EPB41L4A: variants seen among roughly 807,000 people sequenced by gnomAD.
EPB41L4A encodes erythrocyte membrane protein band 4.1 like 4A, also known as band 4.1-like protein 4A.
In EPB41L4A, 100 loss-of-function variants were observed where a neutral mutation model predicts 108.6. That is an observed-to-expected ratio of 0.92 (90% CI 0.78 to 1.09). EPB41L4A has a LOEUF of 1.09. Ranked by LOEUF, EPB41L4A falls within the 50% of genes least tolerant of loss-of-function variation. The probability of loss-of-function intolerance (pLI) is 0.00; values close to 1 mark genes in which losing one functional copy is unlikely to be tolerated. For synonymous variants in EPB41L4A, 319 were observed against 289.0 expected, an observed-to-expected ratio of 1.10 and a Z score of -1.05; for missense variants, 1,030 against 842.7, an observed-to-expected ratio of 1.22 and a Z score of -2.75.
At chr5:112,389,258 T>C (rs1760772337) in intron 1 of EPB41L4A, among the ~76,000 whole-genome samples, 1 of 152,228 alleles carries the variant, frequency 6.6e-6, no homozygotes, top group South Asian at 2.1e-4. Flanking sequence ...ATTAAGGATT[T>C]TATAATCCTG....
Position 112,266,297 on chromosome 5 carries a change from G to A in EPB41L4A, c.369C>T (p.Val123=), listed in dbSNP as rs1314402551. 6.2e-7 allele frequency: 1 copy of A among 1,608,936 alleles called. No individual in the cohort carries two copies. The highest frequency in any genetic ancestry group is 8.5e-7 in the Non-Finnish European group (1 of 1,177,974). The change falls in exon 5 of 23, where the codon GTC becomes GTT. Residue 123 remains valine, a synonymous_variant. Coordinates refer to ENST00000261486, the MANE Select transcript of EPB41L4A (RefSeq NM_022140.5). Reference sequence around the variant, plus strand: ...CGGGACAGGGCAGACGGCCCTGAAGGACATCTTGCTTCACCTGCAAGAAAA... The same window carrying A: ...CGGGACAGGGCAGACGGCCCTGAAGAACATCTTGCTTCACCTGCAAGAAAA... The part of the protein sequence containing the change: ...YQFFLQVKQD[V]LQGRLPCPVN...
At chr5:112,143,946 G>A (rs996201908) in intron 13 of EPB41L4A, 1 of 437,456 alleles carries the variant, frequency 2.3e-6, no homozygotes, top group Non-Finnish European at 4.6e-6. Context: ...CAGAAGCCTG[G>A]AATAATAAAT....
At chr5:112,204,766 T>C (rs1561473495) in intron 14 of EPB41L4A, 1 of 289,264 alleles carries the variant, frequency 3.5e-6, no homozygotes, top group East Asian at 6.1e-5. Context: ...AATTCATACA[T>C]ATGATGAATT....
chr5:112,200,645 T>C (rs1011549576), intron 15 of EPB41L4A, among the ~76,000 whole-genome samples: 4 of 152,206 alleles, frequency 2.6e-5, no homozygotes, highest in Non-Finnish European at 4.4e-5. Flanking sequence ...AGTGAAAATA[T>C]ATTGTACTAC....
intron 2 of EPB41L4A, among the ~76,000 whole-genome samples, chr5:112,304,620 GTTTA>G (rs757300736): frequency 3.8e-4 from 58 of 152,236 alleles, no homozygotes; most frequent in African/African-American, 1.2e-3. Flanking sequence ...AGAATCTACA[GTTTA>G]TTTAATTTTT....
chr5:112,218,725 G>A (rs1201275072), intron 12 of EPB41L4A, among the ~76,000 whole-genome samples: 1 of 152,138 alleles, frequency 6.6e-6, no homozygotes, highest in South Asian at 2.1e-4. Flanking sequence ...TGCTTATTTA[G>A]CTAAGGCAAA....
At chr5:112,345,349 G>T (rs1439947833) in intron 1 of EPB41L4A, among the ~76,000 whole-genome samples, 1 of 152,080 alleles carries the variant, frequency 6.6e-6, no homozygotes, top group East Asian at 1.9e-4. Flanking sequence ...AGTAAATATG[G>T]ATAATAGATA....
chr5:112,151,070 G>A (rs1004386792), intron 12 of EPB41L4A, among the ~76,000 whole-genome samples: 1 of 152,128 alleles, frequency 6.6e-6, no homozygotes, highest in African/African-American at 2.4e-5. Flanking sequence ...TCTAAGTGAT[G>A]TTGATGCTGA....
At chr5:112,370,137 G>A (rs1459944727) in intron 1 of EPB41L4A, among the ~76,000 whole-genome samples, 1 of 151,356 alleles carries the variant, frequency 6.6e-6, no homozygotes, top group Non-Finnish European at 1.5e-5. Flanking sequence ...CAATCTTCTT[G>A]TCTCAGCCTC....
In EPB41L4A at chr5:112,303,461, G is replaced by A. The variant is rs114698647; in HGVS notation, c.204+3925C>T. Among the ~76,000 whole-genome samples, 648 of 152,292 alleles carry A rather than the reference G, an allele frequency of 4.3e-3. 6 individuals carry two copies. The highest frequency in any genetic ancestry group is 0.015 in the African/African-American group (611 of 41,562). ...AAATGTGTGGGCCTGAACAGAGTTA[G>A]AGCCTAAGAGAACTAAGGACAAAAT... On this transcript the variant is annotated intron_variant, in intron 2 of 22. Coordinates refer to ENST00000261486, the MANE Select transcript of EPB41L4A (RefSeq NM_022140.5).
At chr5:112,300,225 AT>A (rs148470593) in intron 2 of EPB41L4A, among the ~76,000 whole-genome samples, 26,231 of 151,770 alleles carry the variant, frequency 0.17, 2,813 homozygotes, top group African/African-American at 0.3. Flanking sequence ...TCTTAATTAT[AT>A]TTTTGTTTTA....
chr5:112,212,167 C>A (rs1445099355), intron 12 of EPB41L4A, among the ~76,000 whole-genome samples: 2 of 152,078 alleles, frequency 1.3e-5, no homozygotes, highest in Non-Finnish European at 2.9e-5. Flanking sequence ...AAATTGCAGG[C>A]AAAGATTTGG....
chr5:112,165,685 G>A (rs575749722), intron 22 of EPB41L4A, among the ~76,000 whole-genome samples: 1 of 152,256 alleles, frequency 6.6e-6, no homozygotes, highest in African/African-American at 2.4e-5. Context: ...TACTTCTTAT[G>A]CGAACCCCTC....
chr5:112,267,358 G>A (rs1751935255), intron 4 of EPB41L4A, among the ~76,000 whole-genome samples: 1 of 152,140 alleles, frequency 6.6e-6, no homozygotes, highest in Non-Finnish European at 1.5e-5. Flanking sequence ...TTCTCCAAAT[G>A]CACACAACCA....
At position 112,174,395 on chromosome 5, in the gene EPB41L4A, TAAGGA is replaced by T. The variant is rs752429480; in HGVS notation, c.1623-3408_1623-3404del. On this transcript the variant is annotated intron_variant, in intron 18 of 22. Coordinates refer to ENST00000261486, the MANE Select transcript of EPB41L4A (RefSeq NM_022140.5). Reference sequence around the variant, plus strand: ...TACTTAAACTCTCCAAATAAATTCCTAAGGAAAGGAAATAGAACCCTGAGTTGTCC... The same window carrying T: ...TACTTAAACTCTCCAAATAAATTCCTAAGGAAATAGAACCCTGAGTTGTCC... Among the ~76,000 whole-genome samples, 25 of 152,326 alleles carry T rather than the reference TAAGGA, an allele frequency of 1.6e-4. No individual in the cohort carries two copies. The East Asian group carries it at 3.1e-3, about 19-fold the overall frequency.
At chr5:112,386,175 CCACT>C (rs2112637557) in intron 1 of EPB41L4A, among the ~76,000 whole-genome samples, 1 of 152,262 alleles carries the variant, frequency 6.6e-6, no homozygotes, top group South Asian at 2.1e-4. Flanking sequence ...GCATTATCAC[CCACT>C]GAGGGGCATC....
chr5:112,269,030 G>C (rs1323936534), intron 4 of EPB41L4A, among the ~76,000 whole-genome samples: 1 of 151,904 alleles, frequency 6.6e-6, no homozygotes, highest in Admixed American at 6.6e-5. Context: ...AAAGAAACAG[G>C]AGCCACATCA....
At chr5:112,380,900 C>G (rs139373605) in intron 1 of EPB41L4A, among the ~76,000 whole-genome samples, 47 of 152,124 alleles carry the variant, frequency 3.1e-4, no homozygotes, top group African/African-American at 1.1e-3. Flanking sequence ...TAGAAACCAT[C>G]CCCCACCAGA....
intron 9 of EPB41L4A, chr5:112,249,093 T>C (rs1432854550): frequency 6.6e-6 from 1 of 152,178 alleles, no homozygotes. Flanking sequence ...TGAGTACTTC[T>C]AAGAAAAGTA....
Sources: gnomAD v4.1 joint callset for allele counts (sites outside exome capture counted in the v4.1 genomes callset) on GRCh38, gnomAD v4.1.1 for gene constraint, MANE v1.5 for transcripts, NCBI Gene and HGNC (gene_info 2026-07-23, HGNC 2026-07-21) for gene names.